Variants in TROAP observed in about 807,000 individuals in gnomAD.
The protein encoded by TROAP is trophinin associated protein.
A neutral mutation model predicts 83.4 loss-of-function variants in TROAP; 62 were observed. The ratio of observed to expected loss-of-function variants is 0.74; its 90% confidence interval spans 0.61 to 0.92. The LOEUF (loss-of-function observed/expected upper bound fraction) is 0.92. TROAP is among the 40% of genes least tolerant of loss of function. TROAP has a pLI of 0.00. For missense variants in TROAP, 876 were observed against 985.1 expected (o/e 0.89, Z 1.48); for synonymous variants, 352 against 386.4 (o/e 0.91, Z 1.04).
chr12:49,330,169 T>C lies in TROAP; in HGVS notation c.1324T>C (p.Leu442=). ...GCGCATCGGTATCCTGCAACAGCTG[T>C]TGAGACAGGAAGTAGAGGGGCTGGT... ...IQRIGILQQL[L]RQEVEGLVGG... is the part of the protein sequence containing the mutation. The change falls in exon 13 of 15, where the codon TTG becomes CTG. Residue 442 remains leucine, a synonymous_variant. Transcript: ENST00000257909. 1 of 1,613,904 alleles carries C rather than the reference T, an allele frequency of 6.2e-7. No individual in the cohort carries two copies. The highest frequency in any genetic ancestry group is 1.1e-5 in the South Asian group (1 of 91,076).
At chr12:49,328,471 C>T (rs1943532602) in intron 8 of TROAP, among the ~76,000 whole-genome samples, 1 of 152,046 alleles carries the variant, frequency 6.6e-6, no homozygotes, top group Admixed American at 6.5e-5. Flanking sequence ...GCTCCACCCT[C>T]CTCGGCTTCC....
rs1565671317 is a variant in TROAP, at chr12:49,329,146, C to A, written c.1021-15C>A. On this transcript the variant is annotated splice_polypyrimidine_tract_variant and intron_variant, in intron 9 of 14. Transcript: ENST00000257909. The surrounding 1 kb of genome is among the most constrained non-coding windows in gnomAD (Gnocchi z 4.5). The stretch of plus-strand genomic sequence containing the variant: ...TGGGTTTTGTCCCTGCTCAGCCACC[C>A]ACATCTCTCCCCAGACCTCATATTC... 2.5e-6 allele frequency: 4 copies of A among 1,614,012 alleles called. No individual in the cohort carries two copies. The highest frequency in any genetic ancestry group is 1.7e-5 in the Admixed American group (1 of 60,006).
rs1943518331 is a variant in TROAP at position 49,327,439 on chromosome 12, G to C, written c.891+109G>C. ...ATTGTAGGTAGAGCCAGGAAGTCCT[G>C]GGCCTCAGGATGTTACTGGGTAGGT... On this transcript the variant is annotated intron_variant, in intron 8 of 14. Coordinates refer to ENST00000257909, the MANE Select transcript of TROAP (RefSeq NM_005480.4). The C allele has an allele frequency of 2.5e-5, 38 of 1,493,254 alleles. No individual in the cohort carries two copies. In the South Asian group the frequency reaches 4.6e-4, roughly 18 times the overall value. The allele number at this position is 1,493,254 out of a possible 1,614,324, so 92.5% of individuals were successfully genotyped here. A position where few individuals can be genotyped will look rare whatever the true frequency, so the allele number is the denominator to read the frequency against.
Position 49,325,855 on chromosome 12 carries a change from A to G in TROAP, c.604A>G (p.Thr202Ala), listed in dbSNP as rs1180195257. 1 of 1,613,706 alleles carries G rather than the reference A, an allele frequency of 6.2e-7. No individual in the cohort carries two copies. Among genetic ancestry groups the G allele is most frequent in the Non-Finnish European group, 8.5e-7 (1 of 1,180,008 alleles). Residue 202 changes from threonine to alanine, a missense_variant, in exon 5 of 15, where the codon ACA (threonine) becomes GCA (alanine). By Grantham distance (58) the Thr-to-Ala change is moderately conservative. This residue lies in a region of TROAP where 689 missense variants were observed against 722.6 expected (regional missense o/e 0.95). Coordinates refer to ENST00000257909, the MANE Select transcript of TROAP (RefSeq NM_005480.4). ...RLEGPGPRGR[T>A]LCPQRLQALI... ...GGAGGGACCAGGACCTCGAGGCCGG[A>G]CATTGTGCCCCCAGAGGCTACAGGC...
Position 49,325,755 on chromosome 12 carries a change from G to A in TROAP, c.504G>A (p.Arg168=). ...GGTTQRVQGV[R]ASAYLAPRTP... ...CTCTGTTGGTGTCCCAGGGTGTTCGGGCCTCTGCATATTTGGCCCCCAGAA... is the reference window on the plus strand; with the variant it reads ...CTCTGTTGGTGTCCCAGGGTGTTCGAGCCTCTGCATATTTGGCCCCCAGAA... The change falls in exon 5 of 15, where the codon CGG becomes CGA. Residue 168 remains arginine (R), a synonymous_variant. Transcript: ENST00000257909. 1 of 1,613,722 alleles carries A rather than the reference G, an allele frequency of 6.2e-7. No homozygotes were observed. The highest frequency in any genetic ancestry group is 8.5e-7 in the Non-Finnish European group (1 of 1,179,836).
At chr12:49,327,982 G>T (rs531026350) in intron 8 of TROAP, among the ~76,000 whole-genome samples, 1 of 151,934 alleles carries the variant, frequency 6.6e-6, no homozygotes, top group Non-Finnish European at 1.5e-5. Context: ...AACTGAAGAG[G>T]TAAAGGCCCT....
At position 49,330,925 on chromosome 12, in the gene TROAP, C is replaced by A. The variant is rs1249661111; in HGVS notation, c.2080C>A (p.Pro694Thr). 7 of 1,611,640 alleles carry A rather than the reference C, an allele frequency of 4.3e-6. No individual in the cohort carries two copies. Among genetic ancestry groups the A allele is most frequent in the Non-Finnish European group, 5.9e-6 (7 of 1,179,994 alleles). Residue 694 changes from proline (P) to threonine (T), a missense_variant, in exon 13 of 15, where the codon CCC (proline) becomes ACC (threonine). Transcript: ENST00000257909. ...TATCTGCTCACTCCAGTCTTTGAGA[C>A]CCCCAGCAGGCCAGGCAGGTAAGGA... ...PPICSLQSLR[P>T]PAGQAGLSNL...
chr12:49,326,531 G>T, intron 6 of TROAP, 137 bp from the exon 7 acceptor site: 1 of 1,070,222 alleles, frequency 9.3e-7, no homozygotes, highest in Non-Finnish European at 1.3e-6. Context: ...TGGTTTCTTT[G>T]TCAAGTGAGA....
rs1943542187 is a variant in TROAP at position 49,329,114 on chromosome 12, C to A, written c.1021-47C>A. On this transcript the variant is annotated intron_variant, in intron 9 of 14. Coordinates refer to ENST00000257909, the MANE Select transcript of TROAP (RefSeq NM_005480.4). This position sits in a 1 kb window ranked among gnomAD's most constrained non-coding sequence, Gnocchi z 4.5. ...AGAACAGTCTGGCCGGAGATCCTTG[C>A]TATGTCTGGGTTTTGTCCCTGCTCA... 1.9e-6 allele frequency: 3 copies of A among 1,614,002 alleles called. No individual in the cohort carries two copies. In the Admixed American group the frequency reaches 5.0e-5, roughly 27 times the overall value.
At chr12:49,325,714 G>A (rs1485905855) in intron 4 of TROAP, 33 bp from the exon 5 acceptor site, 1 of 1,613,084 alleles carries the variant, frequency 6.2e-7, no homozygotes, top group Non-Finnish European at 8.5e-7. Flanking sequence ...GGGGCATCCT[G>A]AGCAGTGCTG....
chr12:49,330,997 G>T, intron 13 of TROAP, 54 bp downstream of exon 13: 1 of 1,596,616 alleles, frequency 6.3e-7, no homozygotes. Flanking sequence ...ACCTCACTGT[G>T]AGCTGCACAC....
chr12:49,330,022 C>T, intron 12 of TROAP, 31 bp downstream of exon 12: 3 of 1,612,924 alleles, frequency 1.9e-6, no homozygotes, highest in Non-Finnish European at 2.5e-6. Flanking sequence ...GCTTTGATGT[C>T]TATTGAACAG....
chr12:49,326,766 C>T, intron 7 of TROAP, 46 bp downstream of exon 7: 3 of 1,548,764 alleles, frequency 1.9e-6, no homozygotes, highest in Non-Finnish European at 2.6e-6. Context: ...GTTGGGCTGC[C>T]TGAAGCAGGG....
Position 49,330,227 on chromosome 12 carries a change from C to T in TROAP, c.1382C>T (p.Ser461Phe), listed in dbSNP as rs529342172. 50 of 1,614,022 alleles carry T rather than the reference C, an allele frequency of 3.1e-5. No homozygotes were observed. Among genetic ancestry groups the T allele is most frequent in the Non-Finnish European group, 3.6e-5 (42 of 1,180,014 alleles). Residue 461 changes from serine to phenylalanine, a missense_variant, in exon 13 of 15, where the codon TCT becomes TTT. Around this residue, in one of 3 missense-constraint regions of TROAP, gnomAD observed 689 missense variants for 722.6 expected, o/e 0.95. Coordinates refer to ENST00000257909, the MANE Select transcript of TROAP (RefSeq NM_005480.4). ...GGQCVPLNGG[S>F]SLDMVELQPL... is the part of the protein sequence containing the mutation. ...CAGTGTGTCCCTCTTAATGGAGGCT[C>T]TTCTCTGGATATGGTTGAACTTCAG...
rs781336515 is a variant in TROAP, at chr12:49,330,497, C to T, written c.1652C>T (p.Ala551Val). ...GAAGTACCAGAGCCCTACCCTCCAGCAGAACCCAGGCCCCTAGAGTCCTGC... is the reference window on the plus strand; with the variant it reads ...GAAGTACCAGAGCCCTACCCTCCAGTAGAACCCAGGCCCCTAGAGTCCTGC... The part of the protein sequence containing the change: ...QLEVPEPYPP[A>V]EPRPLESCCR... The change falls in exon 13 of 15, where the codon GCA becomes GTA. Residue 551 changes from alanine (A) to valine (V), a missense_variant. By Grantham distance (64) the Ala-to-Val change is moderately conservative (BLOSUM62 0). Coordinates refer to ENST00000257909, the MANE Select transcript of TROAP (RefSeq NM_005480.4). 10 of 1,613,542 alleles carry T rather than the reference C, an allele frequency of 6.2e-6. No homozygotes were observed. The Admixed American group carries it at 1.5e-4, about 24-fold the overall frequency.
intron 6 of TROAP, 83 bp downstream of exon 6, chr12:49,326,241 C>A: frequency 7.1e-7 from 1 of 1,417,696 alleles, no homozygotes. Flanking sequence ...AGAGTTGGGG[C>A]CTTCCAGGAG....
Position 49,330,727 on chromosome 12 carries a change from G to A in TROAP, c.1882G>A (p.Gly628Arg). 1.2e-6 allele frequency: 2 copies of A among 1,614,034 alleles called. No individual in the cohort carries two copies. The highest frequency in any genetic ancestry group is 1.7e-6 in the Non-Finnish European group (2 of 1,179,970). ...CGGGCCCCTTCAGCCCAGCACCCAG[G>A]GGCAGTCTGGACCCCCAGGGCCCTG... The part of the protein sequence containing the change: ...EPGPLQPSTQ[G>R]QSGPPGPCPR... The change falls in exon 13 of 15, where the codon GGG becomes AGG. Residue 628 changes from glycine to arginine, a missense_variant. Gly to Arg is a moderately radical substitution (Grantham distance 125, BLOSUM62 -2). Transcript: ENST00000257909.
At chr12:49,324,662 A>C (rs1376172354) in intron 3 of TROAP, 1 of 152,964 alleles carries the variant, frequency 6.5e-6, no homozygotes, top group East Asian at 1.9e-4. Flanking sequence ...GGATCATTTG[A>C]GCTCAGGAGT....
At chr12:49,325,149 C>G (rs1037327423) in intron 3 of TROAP, among the ~76,000 whole-genome samples, 1 of 151,812 alleles carries the variant, frequency 6.6e-6, no homozygotes, top group Admixed American at 6.6e-5. Flanking sequence ...AAACTCCTGA[C>G]CTCAGGTGAT....
Sources: gnomAD v4.1 joint callset for allele counts (sites outside exome capture counted in the v4.1 genomes callset) on GRCh38, gnomAD v4.1.1 for gene constraint, gnomAD v4.1.1 regional missense constraint, Gnocchi (gnomAD v3.1) non-coding constraint, MANE v1.5 for transcripts, NCBI Gene and HGNC (gene_info 2026-07-23, HGNC 2026-07-21) for gene names.